GRIN2B: variants seen among roughly 807,000 people sequenced by gnomAD.
GRIN2B encodes the protein glutamate ionotropic receptor NMDA type subunit 2B, also known as glutamate receptor ionotropic, NMDA 2B.
GRIN2B carries 5 observed loss-of-function variants against 114.5 expected under a neutral mutation model. That is an observed-to-expected ratio of 0.04 (90% CI 0.02 to 0.09). GRIN2B has a LOEUF of 0.09. GRIN2B is among the 10% of genes least tolerant of loss of function. The pLI, the probability that GRIN2B is intolerant of heterozygous loss-of-function variation, is 1.00. For missense variants in GRIN2B, 1,108 were observed against 1,943.5 expected (o/e 0.57, Z 8.08); for synonymous variants, 787 against 745.1 (o/e 1.06, Z -0.92).
rs141109968 is a variant in GRIN2B, at chr12:13,564,191, C to T, written c.3047G>A (p.Arg1016Lys). The change falls in exon 14 of 14, where the codon AGG (arginine) becomes AAG (lysine). Residue 1016 changes from arginine (R) to lysine (K), a missense_variant. Arg to Lys is a conservative substitution (Grantham distance 26). Coordinates refer to ENST00000609686, the MANE Select transcript of GRIN2B (RefSeq NM_000834.5). This position sits in a 1 kb window ranked among gnomAD's most constrained non-coding sequence, Gnocchi z 4.8. ...CDNPPFTTQS[R>K]SISKKPLDIG... ...GTCCAGGGGCTTCTTGCTGATGGAC[C>T]TGGACTGGGTGGTGAAGGGTGGGTT... 1.4e-4 allele frequency: 222 copies of T among 1,613,956 alleles called. No individual in the cohort carries two copies. The highest frequency in any genetic ancestry group is 1.9e-4 in the Non-Finnish European group (220 of 1,180,022).
intron 4 of GRIN2B, among the ~76,000 whole-genome samples, chr12:13,749,373 G>A (rs1863440865): frequency 6.6e-6 from 1 of 152,188 alleles, no homozygotes; most frequent in African/African-American, 2.4e-5. Flanking sequence ...TTCTAGCAGG[G>A]AAAGGGGCCT....
chr12:13,620,757 C>T (rs926479481), intron 5 of GRIN2B, among the ~76,000 whole-genome samples: 1 of 152,102 alleles, frequency 6.6e-6, no homozygotes, highest in Non-Finnish European at 1.5e-5. Context: ...GGGCTTTCTA[C>T]ATCCTACAAA....
At chr12:13,803,954 A>G (rs1864558716) in intron 3 of GRIN2B, among the ~76,000 whole-genome samples, 1 of 152,192 alleles carries the variant, frequency 6.6e-6, no homozygotes, top group Non-Finnish European at 1.5e-5. Context: ...TTTCAAGTAC[A>G]GGACAAAGAA....
intron 4 of GRIN2B, among the ~76,000 whole-genome samples, chr12:13,746,280 C>T (rs988171353): frequency 1.3e-5 from 2 of 152,158 alleles, no homozygotes; most frequent in East Asian, 1.9e-4. Flanking sequence ...TCATAACTTT[C>T]GCAGCCTGGC....
chr12:13,968,671 AC>A (rs1204408408), intron 2 of GRIN2B, among the ~76,000 whole-genome samples: 1 of 152,198 alleles, frequency 6.6e-6, no homozygotes, highest in African/African-American at 2.4e-5. Flanking sequence ...GGGGAATTTA[AC>A]CTTTGTATTT....
At chr12:13,847,856 G>A (rs536036607) in intron 3 of GRIN2B, among the ~76,000 whole-genome samples, 1 of 152,236 alleles carries the variant, frequency 6.6e-6, no homozygotes, top group African/African-American at 2.4e-5. Context: ...TCTGTAGTGT[G>A]GATGGTTAAA....
At chr12:13,924,367 C>G (rs1175449616) in intron 2 of GRIN2B, among the ~76,000 whole-genome samples, 1 of 152,198 alleles carries the variant, frequency 6.6e-6, no homozygotes, top group South Asian at 2.1e-4. Context: ...TGCCCAGGCT[C>G]TGACAACTGT....
At chr12:13,912,954 G>C (rs764355566) in intron 2 of GRIN2B, among the ~76,000 whole-genome samples, 1 of 152,054 alleles carries the variant, frequency 6.6e-6, no homozygotes, top group African/African-American at 2.4e-5. Context: ...TAGAATTGTA[G>C]TCCCATACCT....
intron 10 of GRIN2B, among the ~76,000 whole-genome samples, chr12:13,573,244 G>A (rs998534482): frequency 2.0e-5 from 3 of 149,308 alleles, no homozygotes; most frequent in Non-Finnish European, 4.5e-5. Flanking sequence ...GAGGTCAGGA[G>A]ATCGAGACCA....
chr12:13,879,976 C>T (rs1866046276), intron 2 of GRIN2B, among the ~76,000 whole-genome samples: 1 of 152,208 alleles, frequency 6.6e-6, no homozygotes, highest in Non-Finnish European at 1.5e-5. Context: ...TCCAATGAAC[C>T]AACATGTCCT....
At chr12:13,702,193 C>T (rs956581599) in intron 4 of GRIN2B, among the ~76,000 whole-genome samples, 3 of 152,194 alleles carry the variant, frequency 2.0e-5, no homozygotes, top group African/African-American at 4.8e-5. Flanking sequence ...TTCCAAGCTA[C>T]TACCATCACA....
intron 3 of GRIN2B, among the ~76,000 whole-genome samples, chr12:13,786,907 C>T (rs11055616): frequency 0.23 from 34,510 of 151,474 alleles, 4,250 homozygotes; most frequent in South Asian, 0.38. Flanking sequence ...CTAGTCCTCC[C>T]GGTTTGAGAC....
At chr12:13,804,180 T>C (rs920754078) in intron 3 of GRIN2B, among the ~76,000 whole-genome samples, 3 of 150,832 alleles carry the variant, frequency 2.0e-5, no homozygotes, top group African/African-American at 7.3e-5. Context: ...GTTAGTGAGA[T>C]ATTATTTTTA....
chr12:13,806,970 A>G (rs918765699), intron 3 of GRIN2B, among the ~76,000 whole-genome samples: 10 of 152,130 alleles, frequency 6.6e-5, no homozygotes, highest in African/African-American at 2.4e-4. Flanking sequence ...AAATTACTCA[A>G]AGTGCCATGA....
intron 4 of GRIN2B, among the ~76,000 whole-genome samples, chr12:13,697,824 A>G (rs1950274926): frequency 6.6e-6 from 1 of 152,224 alleles, no homozygotes; most frequent in Non-Finnish European, 1.5e-5. Context: ...AAAACAGTTA[A>G]CCTGCACCAA....
chr12:13,643,572 C>G (rs1541590), intron 5 of GRIN2B, among the ~76,000 whole-genome samples: 2 of 152,070 alleles, frequency 1.3e-5, no homozygotes, highest in South Asian at 2.1e-4. Flanking sequence ...TAAAACAACA[C>G]TGAAGTTTGC....
At chr12:13,909,126 C>T (rs1366464364) in intron 2 of GRIN2B, among the ~76,000 whole-genome samples, 1 of 152,166 alleles carries the variant, frequency 6.6e-6, no homozygotes, top group East Asian at 1.9e-4. Context: ...GCCAATGATC[C>T]TCGGACAGCA....
intron 3 of GRIN2B, among the ~76,000 whole-genome samples, chr12:13,756,306 G>A (rs1333342614): frequency 1.3e-5 from 2 of 152,128 alleles, no homozygotes; most frequent in Non-Finnish European, 2.9e-5. Flanking sequence ...GAGCTACTGC[G>A]CCCATCCAAA....
At chr12:13,696,899 C>T (rs753335981) in intron 4 of GRIN2B, among the ~76,000 whole-genome samples, 14 of 152,142 alleles carry the variant, frequency 9.2e-5, no homozygotes, top group Non-Finnish European at 1.8e-4. Context: ...TGCAGAGCTC[C>T]TACCATGAAG....
Sources: allele counts gnomAD v4.1 joint callset (sites outside exome capture counted in the v4.1 genomes callset), GRCh38; gene constraint gnomAD v4.1.1; non-coding constraint Gnocchi (gnomAD v3.1); transcripts MANE v1.5; gene names NCBI Gene and HGNC (gene_info 2026-07-23, HGNC 2026-07-21).